Variants in UQCRC2 observed in about 807,000 individuals in gnomAD.
UQCRC2 encodes the protein ubiquinol-cytochrome c reductase core protein 2.
A neutral mutation model predicts 55.6 loss-of-function variants in UQCRC2; 49 were observed. That is an observed-to-expected ratio of 0.88 (90% CI 0.70 to 1.12). The LOEUF (loss-of-function observed/expected upper bound fraction) is 1.12, where lower values mean the gene tolerates loss of function less well. Ranked by LOEUF, UQCRC2 falls within the 50% of genes most tolerant of loss-of-function variation. The probability of loss-of-function intolerance (pLI) is 0.00; values close to 1 mark genes in which losing one functional copy is unlikely to be tolerated. For synonymous variants in UQCRC2, 193 were observed against 192.0 expected (o/e 1.01, Z -0.04); for missense variants, 506 against 547.8 (o/e 0.92, Z 0.76).
At chr16:21,968,907 AT>A (rs1193012894) in intron 8 of UQCRC2, among the ~76,000 whole-genome samples, 1 of 152,224 alleles carries the variant, frequency 6.6e-6, no homozygotes, top group African/African-American at 2.4e-5. Flanking sequence ...TCTTTACAGT[AT>A]TTGTAAAACC....
Position 21,958,240 on chromosome 16 carries a change from C to T in UQCRC2, c.268-295C>T, listed in dbSNP as rs141515914. Among the ~76,000 whole-genome samples the T allele has an allele frequency of 1.6e-4, 24 of 152,016 alleles. No individual in the cohort carries two copies. The East Asian group carries it at 2.7e-3, about 17-fold the overall frequency. ...TAAACAAATTTTTAACAGGAAGTGC[C>T]GCAAATTGAAAGAAAATTAACTCTT... On this transcript the variant is annotated intron_variant, in intron 3 of 13. Transcript: ENST00000268379.
At chr16:21,976,059 C>G (rs759727233) in intron 11 of UQCRC2, 108 bp from the exon 12 acceptor site, 1 of 700,048 alleles carries the variant, frequency 1.4e-6, no homozygotes, top group Non-Finnish European at 2.5e-6. Flanking sequence ...TGCTGTTTGT[C>G]TGGAACTAAC....
chr16:21,955,053 T>A (rs1340747751), intron 1 of UQCRC2, among the ~76,000 whole-genome samples: 2 of 14,158 alleles, frequency 1.4e-4, no homozygotes, highest in African/African-American at 3.0e-4. Flanking sequence ...AGACTCCGTC[T>A]CAAAAAAAAA....
chr16:21,976,937 T>C (rs1442262837), intron 12 of UQCRC2: 3 of 152,232 alleles, frequency 2.0e-5, no homozygotes, highest in East Asian at 1.9e-4. Flanking sequence ...TATAAAGATA[T>C]CTTTGGGCTT....
intron 4 of UQCRC2, among the ~76,000 whole-genome samples, chr16:21,962,032 T>A (rs1278186968): frequency 6.6e-6 from 1 of 152,100 alleles, no homozygotes; most frequent in African/African-American, 2.4e-5. Flanking sequence ...AACTTTTCTA[T>A]CTTCTCCCAC....
In UQCRC2 at chr16:21,980,543, A is replaced by C; in HGVS notation, c.1125-4A>C. 1 of 1,612,280 alleles carries C rather than the reference A, an allele frequency of 6.2e-7. No individual in the cohort carries two copies. The highest frequency in any genetic ancestry group is 8.5e-7 in the Non-Finnish European group (1 of 1,179,472). The stretch of plus-strand genomic sequence containing the variant: ...AAAACTGACTTCTGCCTTTTATTGG[A>C]CAGGAACAAGCTGAAAGCTGGATAC... On this transcript the variant is annotated splice_polypyrimidine_tract_variant and splice_region_variant and intron_variant, in intron 12 of 13. Transcript: ENST00000268379.
intron 8 of UQCRC2, 69 bp downstream of exon 8, chr16:21,968,754 T>C: frequency 7.0e-7 from 1 of 1,428,574 alleles, no homozygotes; most frequent in Non-Finnish European, 9.5e-7. Context: ...TGTAATTACG[T>C]GAACATAGGA....
chr16:21,954,619 T>C (rs1898060712), intron 1 of UQCRC2, among the ~76,000 whole-genome samples: 1 of 152,210 alleles, frequency 6.6e-6, no homozygotes, highest in African/African-American at 2.4e-5. Context: ...AAAGCAATTA[T>C]TTATGTGTCT....
intron 3 of UQCRC2, 78 bp downstream of exon 3, chr16:21,957,644 T>G (rs1898111205): frequency 6.5e-6 from 10 of 1,542,902 alleles, no homozygotes; most frequent in Non-Finnish European, 8.7e-6. Context: ...CTAAGATCAA[T>G]GTCTTTATAT....
chr16:21,953,648 C>G (rs1046056577), intron 1 of UQCRC2, among the ~76,000 whole-genome samples, 192 bp downstream of exon 1: 1 of 152,084 alleles, frequency 6.6e-6, no homozygotes, highest in African/African-American at 2.4e-5. Flanking sequence ...GCACAAGAGA[C>G]CTAACACCGG....
chr16:21,966,733 G>T (rs1180233944), intron 7 of UQCRC2, among the ~76,000 whole-genome samples: 2 of 152,144 alleles, frequency 1.3e-5, no homozygotes, highest in African/African-American at 4.8e-5. Flanking sequence ...ACTCTAATGA[G>T]TTTTGAAATT....
At chr16:21,962,676 C>T (rs1197967874) in intron 5 of UQCRC2, 85 bp from the exon 6 acceptor site, 5 of 1,599,178 alleles carry the variant, frequency 3.1e-6, no homozygotes, top group Non-Finnish European at 4.3e-6. Flanking sequence ...TAAAGTTTCA[C>T]ATTGAGAGCA....
intron 4 of UQCRC2, among the ~76,000 whole-genome samples, chr16:21,959,949 T>C (rs1309593091): frequency 2.6e-5 from 4 of 152,236 alleles, no homozygotes; most frequent in African/African-American, 9.6e-5. Flanking sequence ...ACAGATGTAC[T>C]ATCATCCAGG....
At position 21,953,383 on chromosome 16, in the gene UQCRC2, T is replaced by A; in HGVS notation, c.-41T>A. ...GGCCTCCGCCACCATCTTGCTTTCCTTTAATCCGGCAGTGACCGTGTGTCA... is the reference window on the plus strand; with the variant it reads ...GGCCTCCGCCACCATCTTGCTTTCCATTAATCCGGCAGTGACCGTGTGTCA... On this transcript the variant is annotated 5_prime_UTR_variant, in exon 1 of 14. Transcript: ENST00000268379. The A allele has an allele frequency of 6.2e-7, 1 of 1,609,376 alleles. No individual in the cohort carries two copies.
chr16:21,953,818 C>T (rs1287040916), intron 1 of UQCRC2, among the ~76,000 whole-genome samples: 1 of 152,156 alleles, frequency 6.6e-6, no homozygotes, highest in Non-Finnish European at 1.5e-5. Context: ...TCACTTTATC[C>T]GCTGCAGCCT....
At chr16:21,964,180 A>G (rs985961665) in intron 6 of UQCRC2, among the ~76,000 whole-genome samples, 6 of 152,160 alleles carry the variant, frequency 3.9e-5, no homozygotes, top group African/African-American at 7.2e-5. Context: ...GAGGAGCATT[A>G]TCTTTGTTGC....
rs369053955 is a variant in UQCRC2, at chr16:21,953,371, A to T, written c.-53A>T. 6.2e-7 allele frequency: 1 copy of T among 1,603,730 alleles called. No homozygotes were observed. The highest frequency in any genetic ancestry group is 1.7e-5 in the Admixed American group (1 of 58,576). ...TGGGAAACTCCCGGCCTCCGCCACC[A>T]TCTTGCTTTCCTTTAATCCGGCAGT... On this transcript the variant is annotated 5_prime_UTR_variant, in exon 1 of 14. Coordinates refer to ENST00000268379, the MANE Select transcript of UQCRC2 (RefSeq NM_003366.4).
chr16:21,966,333 G>A (rs1021012107), intron 7 of UQCRC2, among the ~76,000 whole-genome samples: 16 of 151,892 alleles, frequency 1.1e-4, no homozygotes, highest in African/African-American at 3.9e-4. Flanking sequence ...CTGGCTATAG[G>A]GGTTTGTCAC....
In UQCRC2 at chr16:21,968,753, G is replaced by T. The variant is rs375775122; in HGVS notation, c.670+68G>T. 9.7e-5 allele frequency: 139 copies of T among 1,427,372 alleles called. 1 individual carries two copies. The African/African-American group carries it at 1.9e-3, about 19-fold the overall frequency. The allele number at this position is 1,427,372 out of a possible 1,614,324, so 88.4% of individuals were successfully genotyped here. On this transcript the variant is annotated intron_variant, in intron 8 of 13. Transcript: ENST00000268379. ...GAGCAGTTCCTTAAACTGTAATTAC[G>T]TGAACATAGGATTGAACAAAATTTG... is the stretch of plus-strand genomic sequence containing the variant.
Sources: allele counts gnomAD v4.1 joint callset (sites outside exome capture counted in the v4.1 genomes callset), GRCh38; gene constraint gnomAD v4.1.1; transcripts MANE v1.5; gene names NCBI Gene and HGNC (gene_info 2026-07-23, HGNC 2026-07-21).